The following EML1 variants were observed in gnomAD, a reference collection of about 807,000 sequenced individuals.
The protein encoded by EML1 is EMAP like 1.
In EML1, 27 loss-of-function variants were observed where a neutral mutation model predicts 110.4. The observed-to-expected ratio is 0.24, with a 90% CI of 0.18 to 0.34. EML1 has a LOEUF of 0.34. Among genes scored for constraint, EML1 ranks in the 10% least tolerant of loss-of-function variants. EML1 has a pLI of 1.00. For missense variants in EML1, 741 were observed against 1,030.9 expected, an observed-to-expected ratio of 0.72 and a Z score of 3.85; for synonymous variants, 344 against 385.8, an observed-to-expected ratio of 0.89 and a Z score of 1.27.
intron 4 of EML1, among the ~76,000 whole-genome samples, chr14:99,878,940 G>C (rs1364366913): frequency 6.6e-6 from 1 of 152,158 alleles, no homozygotes; most frequent in Non-Finnish European, 1.5e-5. Context: ...TTCTACCTGA[G>C]CACCTTCGAT....
At chr14:99,772,349 A>G (rs1324669995), upstream of EML1, among the ~76,000 whole-genome samples, 1 of 152,186 alleles carries the variant, frequency 6.6e-6, no homozygotes, top group Non-Finnish European at 1.5e-5. Context: ...TTCTCTGGCT[A>G]CCTCTTTTCT....
At chr14:99,823,883 C>A (rs758091501) in intron 1 of EML1, among the ~76,000 whole-genome samples, 1 of 152,138 alleles carries the variant, frequency 6.6e-6, no homozygotes, top group African/African-American at 2.4e-5. Context: ...CCTGATTCTT[C>A]CAGGCTAAAG....
At chr14:99,907,373 T>G (rs1595463897) in intron 9 of EML1, 1 of 405,254 alleles carries the variant, frequency 2.5e-6, no homozygotes, top group South Asian at 3.9e-5. Flanking sequence ...GAGGCTGGGG[T>G]AGGAGGATTG....
chr14:99,756,496 T>C (rs2140181025), intron 1 of EML1, among the ~76,000 whole-genome samples: 1 of 152,342 alleles, frequency 6.6e-6, no homozygotes, highest in East Asian at 1.9e-4. Flanking sequence ...TTGGTGTTCC[T>C]GGTGGGCTTT....
intron 4 of EML1, 31 bp from the exon 5 acceptor site, chr14:99,891,168 T>C: frequency 1.2e-6 from 2 of 1,614,086 alleles, no homozygotes; most frequent in Non-Finnish European, 1.7e-6. Flanking sequence ...CACAGCACCC[T>C]TTAAAAACTG....
At chr14:99,776,928 CTG>C (rs2057489010) in intron 1 of EML1, among the ~76,000 whole-genome samples, 4 of 152,208 alleles carry the variant, frequency 2.6e-5, no homozygotes, top group Admixed American at 6.5e-5. Flanking sequence ...AAGACCTCAA[CTG>C]ATTTCAAATG....
At chr14:99,846,587 T>G (rs1272281926) in intron 1 of EML1, among the ~76,000 whole-genome samples, 1 of 152,098 alleles carries the variant, frequency 6.6e-6, no homozygotes, top group Non-Finnish European at 1.5e-5. Flanking sequence ...CCAGCCCTGG[T>G]GAATATTTTT....
chr14:99,760,240 G>T (rs1299477123), intron 1 of EML1, among the ~76,000 whole-genome samples: 3 of 151,940 alleles, frequency 2.0e-5, no homozygotes, highest in African/African-American at 7.3e-5. Context: ...ATCAGCTGTC[G>T]TCCCTTCTCC....
chr14:99,860,847 T>A lies in EML1; in HGVS notation c.251-4667T>A, dbSNP rs576760038. Among the ~76,000 whole-genome samples, 7 of 152,208 alleles carry A rather than the reference T, an allele frequency of 4.6e-5. No homozygotes were observed. The East Asian group carries it at 1.4e-3, about 29-fold the overall frequency. On this transcript the variant is annotated intron_variant, in intron 2 of 21. Coordinates refer to ENST00000262233, the MANE Select transcript of EML1 (RefSeq NM_004434.3). Reference sequence around the variant, plus strand: ...CTTCCTCCTCTTCCCACCCTCTATTTTTCTTTCATGATCTCTCATCACAAC... The same window carrying A: ...CTTCCTCCTCTTCCCACCCTCTATTATTCTTTCATGATCTCTCATCACAAC...
At chr14:99,894,565 A>C (rs2059641361) in intron 5 of EML1, 64 bp from the exon 6 acceptor site, 1 of 1,549,290 alleles carries the variant, frequency 6.5e-7, no homozygotes, top group African/African-American at 1.4e-5. Flanking sequence ...GAGAGGATAA[A>C]GCATTTGTTT....
rs1038837699 is a variant in EML1, at chr14:99,826,077, A to C, written c.68-24776A>C. On this transcript the variant is annotated intron_variant, in intron 1 of 21. Transcript: ENST00000262233. ...ACCTTTGTATGTTTTGAAAGTCTTT[A>C]GCATTTAAAGTCTGCTTCTGTGCAT... Among the ~76,000 whole-genome samples the C allele has an allele frequency of 2.1e-5, 3 of 144,328 alleles. No individual in the cohort carries two copies. The East Asian group carries it at 6.0e-4, about 29-fold the overall frequency. The allele number at this position is 144,328 out of a possible 152,430, so 94.7% of individuals were successfully genotyped here. A position where few individuals can be genotyped will look rare whatever the true frequency, so the allele number is the denominator to read the frequency against.
Position 99,905,639 on chromosome 14 carries a change from TCA to T in EML1, c.1009-1997_1009-1996del, listed in dbSNP as rs1469504435. ...ATGATCTTGTACATGCCTAATTCTG[TCA>T]CCCTTAGCCATCAGCAAAGAGTGCA... On this transcript the variant is annotated intron_variant, in intron 9 of 21. Transcript: ENST00000262233. This position sits in a 1 kb window ranked among gnomAD's most constrained non-coding sequence, Gnocchi z 4.1. Among the ~76,000 whole-genome samples the T allele has an allele frequency of 7.2e-5, 11 of 152,292 alleles. No individual in the cohort carries two copies. The highest frequency in any genetic ancestry group is 2.6e-4 in the African/African-American group (11 of 41,564).
intron 1 of EML1, among the ~76,000 whole-genome samples, chr14:99,847,914 G>C (rs1238515582): frequency 2.6e-5 from 4 of 151,682 alleles, no homozygotes; most frequent in African/African-American, 7.2e-5. Context: ...ATCTCTTGTA[G>C]ACAGCATATA....
intron 17 of EML1, among the ~76,000 whole-genome samples, chr14:99,931,186 A>G (rs959315229): frequency 2.0e-5 from 3 of 152,184 alleles, no homozygotes; most frequent in Non-Finnish European, 2.9e-5. Context: ...GTGTGCCAGG[A>G]GAGAGGCTAC....
At chr14:99,909,856 G>A (rs1335347168) in intron 11 of EML1, among the ~76,000 whole-genome samples, 2 of 152,148 alleles carry the variant, frequency 1.3e-5, no homozygotes, top group Admixed American at 6.5e-5. Flanking sequence ...ACCTTTTCCC[G>A]GGGGTCCATC....
chr14:99,925,190 C>G (rs1476429058), intron 17 of EML1, among the ~76,000 whole-genome samples: 1 of 149,514 alleles, frequency 6.7e-6, no homozygotes, highest in Non-Finnish European at 1.5e-5. Flanking sequence ...TTTGGTGAAA[C>G]TACCTGGGCC....
At chr14:99,931,936 T>C (rs1455861240) in intron 17 of EML1, among the ~76,000 whole-genome samples, 1 of 152,176 alleles carries the variant, frequency 6.6e-6, no homozygotes, top group African/African-American at 2.4e-5. Context: ...GTGGTGGTTA[T>C]GTCGGGGGCC....
chr14:99,768,929 G>A (rs1044401006), upstream of EML1, among the ~76,000 whole-genome samples: 1 of 152,104 alleles, frequency 6.6e-6, no homozygotes, highest in Non-Finnish European at 1.5e-5. Flanking sequence ...TGTTGGCCAT[G>A]CTGGTCTCAA....
chr14:99,891,189 A>C lies in EML1; in HGVS notation c.519-10A>C. 6.2e-7 allele frequency: 1 copy of C among 1,613,978 alleles called. No individual in the cohort carries two copies. The highest frequency in any genetic ancestry group is 1.1e-5 in the South Asian group (1 of 91,048). On this transcript the variant is annotated splice_polypyrimidine_tract_variant and intron_variant, in intron 4 of 21. Coordinates refer to ENST00000262233, the MANE Select transcript of EML1 (RefSeq NM_004434.3). ...ACCCTTTAAAAACTGTTTTTCGTTT[A>C]TTTTCACAGCAAACCCAAGGAGCCT...
Sources: gnomAD v4.1 joint callset for allele counts (sites outside exome capture counted in the v4.1 genomes callset) on GRCh38, gnomAD v4.1.1 for gene constraint, Gnocchi (gnomAD v3.1) non-coding constraint, MANE v1.5 for transcripts, NCBI Gene and HGNC (gene_info 2026-07-23, HGNC 2026-07-21) for gene names.